NXPH1: variants seen among roughly 807,000 people sequenced by gnomAD.
The protein encoded by NXPH1 is neurexophilin-1.
In NXPH1, 5 loss-of-function variants were observed where a neutral mutation model predicts 23.7. That is an observed-to-expected ratio of 0.21 (90% CI 0.11 to 0.44). NXPH1 has a LOEUF of 0.44. NXPH1 is among the 20% of genes least tolerant of loss of function. NXPH1 has a pLI of 0.99. For missense variants in NXPH1, 324 were observed against 321.6 expected, an observed-to-expected ratio of 1.01 and a Z score of -0.06; for synonymous variants, 144 against 122.2, an observed-to-expected ratio of 1.18 and a Z score of -1.18.
intron 2 of NXPH1, among the ~76,000 whole-genome samples, chr7:8,649,429 C>G (rs1386144260): frequency 1.3e-5 from 2 of 152,154 alleles, no homozygotes; most frequent in Non-Finnish European, 2.9e-5. Flanking sequence ...CCTCTCAACA[C>G]CTGTGTGTAT....
chr7:8,600,361 T>C (rs570722378), intron 2 of NXPH1, among the ~76,000 whole-genome samples: 1 of 152,194 alleles, frequency 6.6e-6, no homozygotes, highest in Non-Finnish European at 1.5e-5. Context: ...CTTTTGCCCA[T>C]TCAGTGCCTG....
chr7:8,446,671 A>G (rs1267335444), intron 2 of NXPH1, among the ~76,000 whole-genome samples: 1 of 152,204 alleles, frequency 6.6e-6, no homozygotes, highest in Non-Finnish European at 1.5e-5. Context: ...CCAAACAGAA[A>G]TTAAAACTAC....
intron 2 of NXPH1, among the ~76,000 whole-genome samples, chr7:8,508,335 C>T (rs140298269): frequency 9.2e-4 from 140 of 152,228 alleles, no homozygotes; most frequent in African/African-American, 3.2e-3. Flanking sequence ...ATGTTGAGTA[C>T]ATCTCTGAGC....
intron 2 of NXPH1, among the ~76,000 whole-genome samples, chr7:8,723,801 A>G (rs1433250242): frequency 6.6e-6 from 1 of 152,184 alleles, no homozygotes; most frequent in Non-Finnish European, 1.5e-5. Context: ...GGGAATGTGT[A>G]GATAGGATTC....
chr7:8,495,012 G>A (rs764606469), intron 2 of NXPH1, among the ~76,000 whole-genome samples: 79 of 152,160 alleles, frequency 5.2e-4, no homozygotes, highest in Middle Eastern at 3.4e-3. Context: ...TTTAAAAAGG[G>A]ATGTTAAAAT....
chr7:8,679,597 A>T (rs1821019961), intron 2 of NXPH1, among the ~76,000 whole-genome samples: 1 of 152,162 alleles, frequency 6.6e-6, no homozygotes, highest in African/African-American at 2.4e-5. Context: ...AACTTTTGTT[A>T]TTATTTTTGG....
At chr7:8,645,459 G>A (rs563842244) in intron 2 of NXPH1, among the ~76,000 whole-genome samples, 1 of 151,948 alleles carries the variant, frequency 6.6e-6, no homozygotes, top group African/African-American at 2.4e-5. Flanking sequence ...AACTCCCTCT[G>A]TGATATTCTC....
rs1042132458 is a variant in NXPH1, at chr7:8,735,831, C to T, written c.55-15177C>T. On this transcript the variant is annotated intron_variant, in intron 2 of 2. Coordinates refer to ENST00000405863, the MANE Select transcript of NXPH1 (RefSeq NM_152745.3). ...TTTCAGAACTCATTATTGGTCTATT[C>T]AGGGATTCAATTTCTTCTTTGTTTA... Among the ~76,000 whole-genome samples, 55 of 152,076 alleles carry T rather than the reference C, an allele frequency of 3.6e-4. 1 individual carries two copies. Among genetic ancestry groups the T allele is most frequent in the Admixed American group, 1.4e-3 (21 of 15,282 alleles).
chr7:8,448,622 G>T (rs986714459), intron 2 of NXPH1, among the ~76,000 whole-genome samples: 1 of 152,226 alleles, frequency 6.6e-6, no homozygotes, highest in East Asian at 1.9e-4. Flanking sequence ...TTTGAGACCA[G>T]CCTGGGCAAC....
At chr7:8,658,856 G>C (rs1441070833) in intron 2 of NXPH1, among the ~76,000 whole-genome samples, 1 of 152,106 alleles carries the variant, frequency 6.6e-6, no homozygotes, top group East Asian at 1.9e-4. Context: ...ATGATTTTGG[G>C]ACAGGGTAGT....
intron 2 of NXPH1, among the ~76,000 whole-genome samples, chr7:8,668,970 C>T (rs75740274): frequency 0.019 from 2,908 of 152,234 alleles, 48 homozygotes; most frequent in Middle Eastern, 0.048. Flanking sequence ...AAGCCTGGGT[C>T]CTCTGGGGTT....
chr7:8,522,662 A>C (rs1479719096), intron 2 of NXPH1, among the ~76,000 whole-genome samples: 1 of 152,142 alleles, frequency 6.6e-6, no homozygotes, highest in African/African-American at 2.4e-5. Flanking sequence ...TTCCTCCTGC[A>C]TTTCAGAAAA....
chr7:8,561,383 CCT>C (rs1554256951), intron 2 of NXPH1, among the ~76,000 whole-genome samples: 1 of 147,232 alleles, frequency 6.8e-6, no homozygotes, highest in Middle Eastern at 3.4e-3. Context: ...CACACACACA[CCT>C]CTCTCTCTCT....
intron 2 of NXPH1, among the ~76,000 whole-genome samples, chr7:8,441,297 T>C (rs1816294488): frequency 6.6e-6 from 1 of 152,106 alleles, no homozygotes; most frequent in African/African-American, 2.4e-5. Context: ...TCCCGTCGCG[T>C]GTGTGCAGGA....
chr7:8,441,706 T>C (rs1816303207), intron 2 of NXPH1, among the ~76,000 whole-genome samples: 1 of 152,178 alleles, frequency 6.6e-6, no homozygotes, highest in African/African-American at 2.4e-5. Context: ...CGGCTTTTTA[T>C]TGAGATAATA....
At chr7:8,625,859 A>G (rs1011327208) in intron 2 of NXPH1, among the ~76,000 whole-genome samples, 3 of 152,208 alleles carry the variant, frequency 2.0e-5, no homozygotes, top group African/African-American at 7.2e-5. Flanking sequence ...TTAACCCCAC[A>G]GCCTTCCATT....
intron 2 of NXPH1, among the ~76,000 whole-genome samples, chr7:8,689,673 T>C (rs971487960): frequency 3.3e-5 from 5 of 152,136 alleles, no homozygotes; most frequent in African/African-American, 1.2e-4. Context: ...CACTCTCCCA[T>C]TTTCTGCTAG....
chr7:8,443,603 T>C (rs894834194), intron 2 of NXPH1, among the ~76,000 whole-genome samples: 2 of 152,272 alleles, frequency 1.3e-5, no homozygotes, highest in Admixed American at 6.5e-5. Flanking sequence ...TCCTAATTAT[T>C]ATGAATTTCT....
At chr7:8,707,103 T>C (rs545530726) in intron 2 of NXPH1, among the ~76,000 whole-genome samples, 1 of 152,220 alleles carries the variant, frequency 6.6e-6, no homozygotes, top group Non-Finnish European at 1.5e-5. Flanking sequence ...TATATTAGTT[T>C]GACTTTTACT....
Sources: gnomAD v4.1 joint callset for allele counts (sites outside exome capture counted in the v4.1 genomes callset) on GRCh38, gnomAD v4.1.1 for gene constraint, MANE v1.5 for transcripts, NCBI Gene and HGNC (gene_info 2026-07-23, HGNC 2026-07-21) for gene names.